Variants in RAB11FIP4 observed in about 807,000 individuals in gnomAD.
RAB11FIP4 encodes the protein rab11 family-interacting protein 4.
In RAB11FIP4, 23 loss-of-function variants were observed where a neutral mutation model predicts 74.3. The ratio of observed to expected loss-of-function variants is 0.31; its 90% CI spans 0.22 to 0.44. RAB11FIP4 has a LOEUF of 0.44. Among genes scored for constraint, RAB11FIP4 ranks in the 20% least tolerant of loss-of-function variants. The pLI, the probability that RAB11FIP4 is intolerant of heterozygous loss-of-function variation, is 1.00. For synonymous variants in RAB11FIP4, 360 were observed against 359.9 expected (o/e 1.00, Z 0.00); for missense variants, 630 against 863.9 (o/e 0.73, Z 3.39).
At chr17:31,392,991 G>A in intron 1 of RAB11FIP4, among the ~76,000 whole-genome samples, 1 of 152,010 alleles carries the variant, frequency 6.6e-6, no homozygotes. Context: ...CCCAGAACAG[G>A]TCGGACCAGG....
intron 3 of RAB11FIP4, among the ~76,000 whole-genome samples, chr17:31,495,242 T>C (rs2072091647): frequency 6.6e-6 from 1 of 152,190 alleles, no homozygotes; most frequent in Non-Finnish European, 1.5e-5. Flanking sequence ...GTGACTGCCC[T>C]TGGTAGTTAA....
intron 4 of RAB11FIP4, chr17:31,518,544 C>CACTA (rs2072603609): frequency 6.6e-6 from 1 of 152,176 alleles, no homozygotes; most frequent in African/African-American, 2.4e-5. Flanking sequence ...CGGATGTCTG[C>CACTA]ACTAAGTTCA....
intron 4 of RAB11FIP4, among the ~76,000 whole-genome samples, chr17:31,520,489 ATGTTTTTTTGTT>A (rs1040617440): frequency 5.3e-5 from 8 of 152,126 alleles, no homozygotes; most frequent in East Asian, 1.9e-4. Flanking sequence ...GCTACTCCGA[ATGTTTTTTTGTT>A]TGTTTTTTTG....
chr17:31,450,775 G>C (rs1265159883), intron 3 of RAB11FIP4, among the ~76,000 whole-genome samples: 1 of 148,792 alleles, frequency 6.7e-6, no homozygotes, highest in East Asian at 1.9e-4. Context: ...ATTGCCTTCG[G>C]CTCCAGTCTC....
chr17:31,398,056 CTT>C (rs970434984), intron 1 of RAB11FIP4, among the ~76,000 whole-genome samples: 1 of 147,426 alleles, frequency 6.8e-6, no homozygotes, highest in Non-Finnish European at 1.5e-5. Context: ...TTGTCAGACA[CTT>C]TTTTTTTTTG....
chr17:31,408,031 C>G (rs961764261), intron 1 of RAB11FIP4, among the ~76,000 whole-genome samples: 3 of 152,072 alleles, frequency 2.0e-5, no homozygotes, highest in African/African-American at 7.2e-5. Context: ...TTTCCTTCCA[C>G]CCCCCTTTTC....
At chr17:31,450,106 A>G (rs1013209753) in intron 3 of RAB11FIP4, among the ~76,000 whole-genome samples, 1 of 151,998 alleles carries the variant, frequency 6.6e-6, no homozygotes, top group Non-Finnish European at 1.5e-5. Flanking sequence ...CTCCTCTAGA[A>G]CTGTAACTCT....
intron 3 of RAB11FIP4, among the ~76,000 whole-genome samples, chr17:31,467,347 G>A (rs2071695549): frequency 6.6e-6 from 1 of 152,102 alleles, no homozygotes; most frequent in Non-Finnish European, 1.5e-5. Flanking sequence ...TCGAATGCCT[G>A]ACCTCAGGTG....
intron 3 of RAB11FIP4, among the ~76,000 whole-genome samples, chr17:31,449,377 C>G (rs2071502173): frequency 6.6e-6 from 1 of 152,196 alleles, no homozygotes; most frequent in East Asian, 1.9e-4. Context: ...ATGCCCTTCC[C>G]ATGGGCAGGG....
chr17:31,450,325 TTA>T (rs1415832289), intron 3 of RAB11FIP4, among the ~76,000 whole-genome samples: 9 of 74,278 alleles, frequency 1.2e-4, no homozygotes, highest in African/African-American at 6.0e-4. Context: ...ACCGGCTTTA[TTA>T]TTATTATTAT....
chr17:31,427,691 A>G (rs1192717038), intron 1 of RAB11FIP4, among the ~76,000 whole-genome samples: 3 of 152,348 alleles, frequency 2.0e-5, no homozygotes, highest in African/African-American at 7.2e-5. Context: ...AGAGGACTGT[A>G]GGCCTGAGCA....
chr17:31,491,982 C>T (rs1169606967), intron 3 of RAB11FIP4, among the ~76,000 whole-genome samples: 1 of 152,178 alleles, frequency 6.6e-6, no homozygotes, highest in East Asian at 1.9e-4. Context: ...ATCAAACCAG[C>T]AAAGGGCACG....
At chr17:31,444,296 G>A (rs1455627968) in intron 3 of RAB11FIP4, among the ~76,000 whole-genome samples, 1 of 151,862 alleles carries the variant, frequency 6.6e-6, no homozygotes, top group Non-Finnish European at 1.5e-5. Flanking sequence ...AGAGCCCAGG[G>A]AAGCAGCCTT....
intron 7 of RAB11FIP4, 122 bp from the exon 8 acceptor site, chr17:31,523,390 G>A: frequency 1.3e-6 from 1 of 776,034 alleles, no homozygotes; most frequent in Non-Finnish European, 2.3e-6. Flanking sequence ...GGCTGAGTGA[G>A]GGCAGCCTCC....
chr17:31,462,280 AC>A (rs1191761229), intron 3 of RAB11FIP4, among the ~76,000 whole-genome samples: 1 of 136,812 alleles, frequency 7.3e-6, no homozygotes, highest in African/African-American at 3.7e-5. Flanking sequence ...AAAACAAAAA[AC>A]AAAAAAAAAA....
chr17:31,529,088 A>G (rs1230466412), intron 13 of RAB11FIP4, among the ~76,000 whole-genome samples: 1 of 142,084 alleles, frequency 7.0e-6, no homozygotes, highest in Non-Finnish European at 1.5e-5. Flanking sequence ...CCCTCACCCA[A>G]GGTTCCTTTT....
chr17:31,424,496 G>A (rs1027875661), intron 1 of RAB11FIP4, among the ~76,000 whole-genome samples: 8 of 151,342 alleles, frequency 5.3e-5, no homozygotes, highest in East Asian at 1.9e-4. Context: ...GCAACCTCCC[G>A]CCTCCTGGGT....
At chr17:31,516,009 C>T (rs1321489939) in intron 3 of RAB11FIP4, among the ~76,000 whole-genome samples, 1 of 152,198 alleles carries the variant, frequency 6.6e-6, no homozygotes, top group Non-Finnish European at 1.5e-5. Flanking sequence ...AGGGCCCAGA[C>T]AGGCAGTTGC....
rs1355572373 is a variant in RAB11FIP4, at chr17:31,536,109, G to A, written c.*4377G>A. 2.0e-5 allele frequency: 3 copies of A among 152,166 alleles called. No individual in the cohort carries two copies. Among genetic ancestry groups the A allele is most frequent in the African/African-American group, 7.2e-5 (3 of 41,408 alleles). The allele number at this position is 152,166 out of a possible 1,614,324, so 9.4% of individuals were successfully genotyped here. ...GAGGGACTTAGCAGAAGCCTCCAGG[G>A]GCCAGCAGGGCCAGGTGAAACTGGG... is the stretch of plus-strand genomic sequence containing the variant. On this transcript the variant is annotated 3_prime_UTR_variant, in exon 15 of 15. Coordinates refer to ENST00000621161, the MANE Select transcript of RAB11FIP4 (RefSeq NM_032932.6).
Sources: gnomAD v4.1 joint callset for allele counts (sites outside exome capture counted in the v4.1 genomes callset) on GRCh38, gnomAD v4.1.1 for gene constraint, MANE v1.5 for transcripts, NCBI Gene and HGNC (gene_info 2026-07-23, HGNC 2026-07-21) for gene names.